Variants in STAC observed in about 807,000 individuals in gnomAD.
STAC encodes the protein SH3 and cysteine-rich domain-containing protein.
A neutral mutation model predicts 48.8 loss-of-function variants in STAC; 43 were observed. That is an observed-to-expected ratio of 0.88 (90% CI 0.69 to 1.14). The LOEUF is 1.14. STAC is among the 50% of genes most tolerant of loss of function. The pLI, the probability that STAC is intolerant of heterozygous loss-of-function variation, is 0.00. For synonymous variants in STAC, 193 were observed against 179.5 expected (o/e 1.07, Z -0.60); for missense variants, 497 against 504.0 (o/e 0.99, Z 0.13).
Position 36,398,340 on chromosome 3 carries a change from A to C in STAC, c.111+17586A>C, listed in dbSNP as rs903599296. On this transcript the variant is annotated intron_variant, in intron 1 of 10. Coordinates refer to ENST00000273183, the MANE Select transcript of STAC (RefSeq NM_003149.3). ...GAAAGCAAGAAAGAAAGAAAGAAAG[A>C]AAGAAAGAAAGAAAGAAAGAAAGAA... Among the ~76,000 whole-genome samples, 270 of 138,620 alleles carry C rather than the reference A, an allele frequency of 1.9e-3. 4 individuals are homozygous for C. The highest frequency in any genetic ancestry group is 2.5e-3 in the Non-Finnish European group (153 of 62,292). The allele number at this position is 138,620 out of a possible 152,430, so 90.9% of individuals were successfully genotyped here.
chr3:36,496,883 T>C (rs1698164079), intron 6 of STAC, among the ~76,000 whole-genome samples: 1 of 152,206 alleles, frequency 6.6e-6, no homozygotes, highest in Non-Finnish European at 1.5e-5. Context: ...GTGATCATAA[T>C]TTTCCTGGAA....
At chr3:36,429,993 T>C (rs1700661459) in intron 1 of STAC, among the ~76,000 whole-genome samples, 1 of 152,154 alleles carries the variant, frequency 6.6e-6, no homozygotes, top group Non-Finnish European at 1.5e-5. Context: ...TGGTTACTGG[T>C]AGAAAATGGG....
intron 1 of STAC, among the ~76,000 whole-genome samples, chr3:36,396,201 C>T (rs1333455521): frequency 6.6e-6 from 1 of 151,830 alleles, no homozygotes; most frequent in Non-Finnish European, 1.5e-5. Context: ...GATATTGAAC[C>T]AAAGTTTTAT....
At chr3:36,418,268 G>A (rs1451465592) in intron 1 of STAC, among the ~76,000 whole-genome samples, 1 of 151,982 alleles carries the variant, frequency 6.6e-6, no homozygotes, top group Non-Finnish European at 1.5e-5. Context: ...TGGCTTTGAA[G>A]TTACTCTTAA....
intron 2 of STAC, among the ~76,000 whole-genome samples, chr3:36,453,566 G>A (rs1037106706): frequency 5.3e-5 from 8 of 152,224 alleles, no homozygotes; most frequent in South Asian, 2.1e-4. Flanking sequence ...CCTGCAGCCC[G>A]CCATGCCTGA....
chr3:36,540,362 A>G lies in STAC; in HGVS notation c.1111-5829A>G, dbSNP rs1699295251. ...ACAACAGGAAACTAATCCAGAGTTT[A>G]CACAAAAGGGACTTTGCAGATGTGA... On this transcript the variant is annotated intron_variant, in intron 10 of 10. Transcript: ENST00000273183. Among the ~76,000 whole-genome samples the G allele has an allele frequency of 3.3e-5, 5 of 152,182 alleles. No homozygotes were observed. In the South Asian group the frequency reaches 1.0e-3, roughly 32 times the overall value.
intron 10 of STAC, among the ~76,000 whole-genome samples, chr3:36,535,535 C>G (rs1268924828): frequency 6.6e-6 from 1 of 152,260 alleles, no homozygotes; most frequent in Middle Eastern, 3.4e-3. Flanking sequence ...GAGAGGGCAT[C>G]TTTTTTGTGC....
chr3:36,434,633 G>T (rs1700785595), intron 1 of STAC, among the ~76,000 whole-genome samples: 1 of 152,242 alleles, frequency 6.6e-6, no homozygotes, highest in Non-Finnish European at 1.5e-5. Flanking sequence ...TTTACCGCCT[G>T]TGTGGGCAGA....
chr3:36,408,207 G>T (rs888868271), intron 1 of STAC, among the ~76,000 whole-genome samples: 5 of 152,216 alleles, frequency 3.3e-5, no homozygotes, highest in African/African-American at 1.2e-4. Context: ...AATCAAGGGA[G>T]TTACTATCCC....
chr3:36,543,368 C>G (rs949794341), intron 10 of STAC, among the ~76,000 whole-genome samples: 3 of 152,152 alleles, frequency 2.0e-5, no homozygotes, highest in Non-Finnish European at 4.4e-5. Flanking sequence ...GCGGCTGAAG[C>G]CTGTGTTCAG....
intron 8 of STAC, among the ~76,000 whole-genome samples, chr3:36,514,101 A>G (rs1398738553): frequency 6.6e-6 from 1 of 150,732 alleles, no homozygotes; most frequent in Non-Finnish European, 1.5e-5. Context: ...AAACTGTCCA[A>G]TGTCCTCCCA....
intron 8 of STAC, among the ~76,000 whole-genome samples, chr3:36,522,083 C>A (rs1698821736): frequency 6.6e-6 from 1 of 151,448 alleles, no homozygotes; most frequent in South Asian, 2.1e-4. Context: ...GTGAGACTGT[C>A]TTTAAAAAAA....
intron 1 of STAC, among the ~76,000 whole-genome samples, chr3:36,415,923 T>A (rs1189808403): frequency 2.0e-5 from 3 of 152,236 alleles, no homozygotes; most frequent in African/African-American, 7.2e-5. Flanking sequence ...TATGGTTGTA[T>A]ATGGTATTTT....
chr3:36,471,018 G>A (rs1697318085), intron 2 of STAC, among the ~76,000 whole-genome samples: 1 of 152,136 alleles, frequency 6.6e-6, no homozygotes, highest in Non-Finnish European at 1.5e-5. Context: ...GTAGAGTGCT[G>A]TCTATAGACC....
At chr3:36,425,905 C>T (rs757263268) in intron 1 of STAC, among the ~76,000 whole-genome samples, 10 of 152,064 alleles carry the variant, frequency 6.6e-5, no homozygotes, top group Admixed American at 3.3e-4. Context: ...GTGATGTGTG[C>T]TTGTGGTCCC....
intron 10 of STAC, among the ~76,000 whole-genome samples, chr3:36,543,981 C>T (rs115665128): frequency 1.2e-4 from 18 of 152,106 alleles, no homozygotes; most frequent in Non-Finnish European, 2.4e-4. Context: ...ACTCAAAGGG[C>T]GGGTGTTTAT....
chr3:36,435,004 G>A (rs1157573052), intron 1 of STAC, among the ~76,000 whole-genome samples: 1 of 152,166 alleles, frequency 6.6e-6, no homozygotes, highest in Non-Finnish European at 1.5e-5. Context: ...GGCTTTAAGA[G>A]CTTTGGAGAC....
chr3:36,436,742 A>G (rs958902727), intron 1 of STAC, among the ~76,000 whole-genome samples: 1 of 152,214 alleles, frequency 6.6e-6, no homozygotes. Flanking sequence ...CCTATAATCT[A>G]TCTCCACCCA....
chr3:36,505,582 T>G (rs1698383331), intron 7 of STAC, among the ~76,000 whole-genome samples, 164 bp from the exon 8 acceptor site: 1 of 152,150 alleles, frequency 6.6e-6, no homozygotes, highest in Non-Finnish European at 1.5e-5. Flanking sequence ...AAATTAAAAA[T>G]AAATGCAAAG....
Sources: gnomAD v4.1 joint callset for allele counts (sites outside exome capture counted in the v4.1 genomes callset) on GRCh38, gnomAD v4.1.1 for gene constraint, MANE v1.5 for transcripts, NCBI Gene and HGNC (gene_info 2026-07-23, HGNC 2026-07-21) for gene names.